WIZ: variants seen among roughly 807,000 people sequenced by gnomAD.
WIZ encodes the protein protein Wiz.
A neutral mutation model predicts 140.2 loss-of-function variants in WIZ; 25 were observed. The ratio of observed to expected loss-of-function variants is 0.18; its 90% CI spans 0.13 to 0.25. WIZ has a LOEUF of 0.25. Ranked by LOEUF, WIZ falls within the 10% of genes least tolerant of loss-of-function variation. The pLI is 1.00. For synonymous variants in WIZ, 1,125 were observed against 1,154.3 expected (o/e 0.97, Z 0.51); for missense variants, 2,231 against 2,632.6 (o/e 0.85, Z 3.34).
chr19:15,426,881 CCCTT>C, intron 9 of WIZ, 97 bp downstream of exon 9: 1 of 1,405,262 alleles, frequency 7.1e-7, no homozygotes, highest in Non-Finnish European at 9.6e-7. Context: ...TGCGTGTCCT[CCCTT>C]CCAATTCAAC....
chr19:15,446,612 C>T (rs1969928105), intron 2 of WIZ, among the ~76,000 whole-genome samples: 1 of 152,170 alleles, frequency 6.6e-6, no homozygotes, highest in Non-Finnish European at 1.5e-5. Flanking sequence ...TACACAGCCC[C>T]CTGCCTAGAT....
chr19:15,431,599 GCAGGGAGC>G (rs914073628), intron 5 of WIZ, among the ~76,000 whole-genome samples: 4 of 152,136 alleles, frequency 2.6e-5, no homozygotes, highest in African/African-American at 4.8e-5. Context: ...CCACACAGAG[GCAGGGAGC>G]CAGGGAGCCA....
chr19:15,437,115 G>A lies in WIZ; in HGVS notation c.2431C>T (p.Pro811Ser), dbSNP rs1969546603. ...CAGCGCATCAGGCTGAAGGTGCCTG[G>A]GTCAAAGTTGGCCACTGTGGAGAGA... ...KKKKKVANFD[P>S]GTFSLMRCDF... The change falls in exon 5 of 13, where the codon CCA becomes TCA. Residue 811 changes from proline (P) to serine (S), a missense_variant. Physicochemically the swap from Pro to Ser is moderately conservative, Grantham distance 74. Transcript: ENST00000673675. 1 of 1,601,164 alleles carries A rather than the reference G, an allele frequency of 6.2e-7. No homozygotes were observed. Among genetic ancestry groups the A allele is most frequent in the Non-Finnish European group, 8.5e-7 (1 of 1,174,386 alleles).
intron 12 of WIZ, 107 bp from the exon 13 acceptor site, chr19:15,423,342 A>G (rs921333329): frequency 4.3e-6 from 6 of 1,391,082 alleles, no homozygotes; most frequent in East Asian, 2.5e-5. Flanking sequence ...GTGTGGACAG[A>G]GCCAGCCCAG....
rs778146468 is a variant in WIZ at position 15,421,019 on chromosome 19, G to C, written c.*2057C>G. ...TGATCCCAGCTACCTGGATGGCTGA[G>C]GCAGGAGAATCACTTGAACCCAGGA... On this transcript the variant is annotated 3_prime_UTR_variant, in exon 13 of 13. Coordinates refer to ENST00000673675, the MANE Select transcript of WIZ (RefSeq NM_001371589.1). The C allele has an allele frequency of 6.6e-6, 1 of 152,072 alleles. No individual in the cohort carries two copies. The highest frequency in any genetic ancestry group is 1.9e-4 in the East Asian group (1 of 5,182). The allele number at this position is 152,072 out of a possible 1,614,324, so 9.4% of individuals were successfully genotyped here. A position where few individuals can be genotyped will look rare whatever the true frequency, so the allele number is the denominator to read the frequency against.
chr19:15,442,870 C>A lies in WIZ; in HGVS notation c.206-122G>T. 2 of 490,654 alleles carry A rather than the reference C, an allele frequency of 4.1e-6. No individual in the cohort carries two copies. The highest frequency in any genetic ancestry group is 6.4e-6 in the Non-Finnish European group (2 of 310,738). The allele number at this position is 490,654 out of a possible 1,614,324, so 30.4% of individuals were successfully genotyped here. A position where few individuals can be genotyped will look rare whatever the true frequency, so the allele number is the denominator to read the frequency against. On this transcript the variant is annotated intron_variant, in intron 2 of 12. Transcript: ENST00000673675. The surrounding 1 kb of genome is among the most constrained non-coding windows in gnomAD (Gnocchi z 5.5). Reference sequence around the variant, plus strand: ...GCCCTGCTGGCTCCCAGTTCCTCTCCCTGAGAGGCCCGTGGCCTCTGTGGT... The same window carrying A: ...GCCCTGCTGGCTCCCAGTTCCTCTCACTGAGAGGCCCGTGGCCTCTGTGGT...
At chr19:15,423,295 C>T (rs1247465659) in intron 12 of WIZ, 60 bp from the exon 13 acceptor site, 9 of 1,577,940 alleles carry the variant, frequency 5.7e-6, no homozygotes, top group Non-Finnish European at 6.9e-6. Flanking sequence ...GGAAGCATAG[C>T]CTTGCCAGCA....
intron 2 of WIZ, among the ~76,000 whole-genome samples, chr19:15,443,872 ATGTCCT>A (rs1230683645): frequency 1.3e-5 from 2 of 152,014 alleles, no homozygotes; most frequent in Non-Finnish European, 2.9e-5. Flanking sequence ...TCCCAGGCCT[ATGTCCT>A]GAAATCCAAT....
rs1025585780 is a variant in WIZ at position 15,438,431 on chromosome 19, A to G, written c.2416+147T>C. ...CTGGGGCGTCTCCACACATCCACCG[A>G]CCAGGTGGCCTTCACTGTGGCTCTC... On this transcript the variant is annotated intron_variant, in intron 4 of 12. Coordinates refer to ENST00000673675, the MANE Select transcript of WIZ (RefSeq NM_001371589.1). 9.0e-6 allele frequency: 8 copies of G among 892,816 alleles called. No individual in the cohort carries two copies. In the African/African-American group the frequency reaches 1.3e-4, roughly 15 times the overall value. 55.3% of individuals were successfully genotyped at this position (892,816 alleles called of 1,614,324 possible). A position where few individuals can be genotyped will look rare whatever the true frequency, so the allele number is the denominator to read the frequency against.
At chr19:15,436,752 C>T (rs1969527777) in intron 5 of WIZ, 54 bp downstream of exon 5, 1 of 1,482,744 alleles carries the variant, frequency 6.7e-7, no homozygotes, top group Non-Finnish European at 8.9e-7. Flanking sequence ...CCCTCCAATG[C>T]TCTGGGCCCC....
chr19:15,430,941 G>A, intron 6 of WIZ, 71 bp downstream of exon 6: 2 of 1,438,418 alleles, frequency 1.4e-6, no homozygotes, highest in Admixed American at 2.6e-5. Flanking sequence ...TTAACCCCAA[G>A]GCACGAGAGT....
Position 15,442,591 on chromosome 19 carries a change from C to G in WIZ, c.278+85G>C. On this transcript the variant is annotated intron_variant, in intron 3 of 12. Transcript: ENST00000673675. The surrounding 1 kb of genome is among the most constrained non-coding windows in gnomAD (Gnocchi z 5.5). ...TCCTGATTCCCTCCTGTCCCCTTCTCATTCCCCAGGGGCTTATCTGAGGCC... is the reference window on the plus strand; with the variant it reads ...TCCTGATTCCCTCCTGTCCCCTTCTGATTCCCCAGGGGCTTATCTGAGGCC... 1 of 1,058,586 alleles carries G rather than the reference C, an allele frequency of 9.4e-7. No individual in the cohort carries two copies. The highest frequency in any genetic ancestry group is 1.2e-6 in the Non-Finnish European group (1 of 829,642). The allele number at this position is 1,058,586 out of a possible 1,614,324, so 65.6% of individuals were successfully genotyped here. A position where few individuals can be genotyped will look rare whatever the true frequency, so the allele number is the denominator to read the frequency against.
Position 15,431,031 on chromosome 19 carries a change from C to T in WIZ, c.2892G>A (p.Gln964=). Residue 964 remains glutamine, a synonymous_variant, in exon 6 of 13, where the codon CAG becomes CAA. Transcript: ENST00000673675. ...ACTCACCCTTGAGGTCCTGCAGCTC[C>T]TGTTTGCTGCCATGAGGAACCTCTG... ...VAAEVPHGSK[Q]ELQDLKAQSL... 4.6e-6 allele frequency: 7 copies of T among 1,535,074 alleles called. No individual in the cohort carries two copies. Among genetic ancestry groups the T allele is most frequent in the Non-Finnish European group, 6.1e-6 (7 of 1,146,348 alleles).
Position 15,427,237 on chromosome 19 carries a change from T to A in WIZ, c.4111A>T (p.Ile1371Phe), listed in dbSNP as rs1287838560. The A allele has an allele frequency of 6.2e-7, 1 of 1,613,928 alleles. No individual in the cohort carries two copies. Among genetic ancestry groups the A allele is most frequent in the Non-Finnish European group, 8.5e-7 (1 of 1,180,002 alleles). The change falls in exon 9 of 13, where the codon ATC becomes TTC. Residue 1371 changes from isoleucine (I) to phenylalanine (F), a missense_variant. Ile to Phe is a conservative substitution (Grantham distance 21). This residue lies in a region of WIZ where 393 missense variants were observed against 451.7 expected (regional missense o/e 0.87). Coordinates refer to ENST00000673675, the MANE Select transcript of WIZ (RefSeq NM_001371589.1). This position sits in a 1 kb window ranked among gnomAD's most constrained non-coding sequence, Gnocchi z 6.4. The stretch of plus-strand genomic sequence containing the variant: ...GGCAACTTCTTGGCCAAGGGTGAGA[T>A]GTGAAGGTCCGAGGGGCTGCGGGCT... ...LEARSPSDLH[I>F]SPLAKKLPPP...
rs949069394 is a variant in WIZ at position 15,424,785 on chromosome 19, G to T, written c.5142C>A (p.Asp1714Glu). Residue 1714 changes from aspartate to glutamate, a missense_variant, in exon 11 of 13, where the codon GAC becomes GAA. Asp to Glu is a conservative substitution (Grantham distance 45). Transcript: ENST00000673675. This position sits in a 1 kb window ranked among gnomAD's most constrained non-coding sequence, Gnocchi z 9.7. Reference sequence around the variant, plus strand: ...GTGCCAGCCCCAGGGACGGCCGCTTGTCACTGTCACGGCCATGGCCGGCAC... The same window carrying T: ...GTGCCAGCCCCAGGGACGGCCGCTTTTCACTGTCACGGCCATGGCCGGCAC... ...FRSAGHGRDS[D>E]KRPSLGLAPG... The T allele has an allele frequency of 1.5e-5, 24 of 1,596,066 alleles. No homozygotes were observed. The highest frequency in any genetic ancestry group is 2.7e-5 in the African/African-American group (2 of 74,608).
At position 15,424,601 on chromosome 19, in the gene WIZ, C is replaced by G; in HGVS notation, c.5314+12G>C. Reference sequence around the variant, plus strand: ...CCGCTGCGCTCCCGACCCTCCTCCACCAAGCACTCACTGTTGATGTTCTGC... The same window carrying G: ...CCGCTGCGCTCCCGACCCTCCTCCAGCAAGCACTCACTGTTGATGTTCTGC... On this transcript the variant is annotated intron_variant, in intron 11 of 12. Transcript: ENST00000673675. This position sits in a 1 kb window ranked among gnomAD's most constrained non-coding sequence, Gnocchi z 9.7. The G allele has an allele frequency of 3.2e-6, 5 of 1,583,970 alleles. No homozygotes were observed. Among genetic ancestry groups the G allele is most frequent in the Non-Finnish European group, 4.3e-6 (5 of 1,173,452 alleles).
At chr19:15,446,644 G>C (rs1257157998) in intron 2 of WIZ, among the ~76,000 whole-genome samples, 1 of 152,160 alleles carries the variant, frequency 6.6e-6, no homozygotes, top group African/African-American at 2.4e-5. Context: ...CCTTGGTCTG[G>C]CTCATTGTCC....
At chr19:15,438,024 C>T (rs1326181689) in intron 4 of WIZ, among the ~76,000 whole-genome samples, 3 of 152,184 alleles carry the variant, frequency 2.0e-5, no homozygotes, top group Non-Finnish European at 4.4e-5. Context: ...CACACACACA[C>T]ACTCAAACAC....
rs532432154 is a variant in WIZ at position 15,420,926 on chromosome 19, G to A, written c.*2150C>T. ...GCTCAGGAGTTCAAGACCAGCCCGGGCAACATGGTGAAACCCCCGTCTCTA... is the reference window on the plus strand; with the variant it reads ...GCTCAGGAGTTCAAGACCAGCCCGGACAACATGGTGAAACCCCCGTCTCTA... On this transcript the variant is annotated 3_prime_UTR_variant, in exon 13 of 13. Transcript: ENST00000673675. The A allele has an allele frequency of 3.3e-5, 5 of 152,264 alleles. No individual in the cohort carries two copies. The East Asian group carries it at 9.7e-4, about 29-fold the overall frequency. The allele number at this position is 152,264 out of a possible 1,614,324, so 9.4% of individuals were successfully genotyped here. A position where few individuals can be genotyped will look rare whatever the true frequency, so the allele number is the denominator to read the frequency against.
Sources: gnomAD v4.1 joint callset for allele counts (sites outside exome capture counted in the v4.1 genomes callset) on GRCh38, gnomAD v4.1.1 for gene constraint, gnomAD v4.1.1 regional missense constraint, Gnocchi (gnomAD v3.1) non-coding constraint, MANE v1.5 for transcripts, NCBI Gene and HGNC (gene_info 2026-07-23, HGNC 2026-07-21) for gene names.